PCBP3: variants seen among roughly 807,000 people sequenced by gnomAD.
The protein encoded by PCBP3 is poly(rC)-binding protein 3.
Under a neutral mutation model 52.7 loss-of-function variants are expected in PCBP3, and 25 were observed. That is an observed-to-expected ratio of 0.47 (90% CI 0.35 to 0.66). The LOEUF is 0.66. PCBP3 is among the 30% of genes least tolerant of loss of function. PCBP3 has a pLI of 0.01. For missense variants in PCBP3, 391 were observed against 490.3 expected (o/e 0.80, Z 1.91); for synonymous variants, 162 against 183.0 (o/e 0.89, Z 0.93).
At chr21:45,768,453 C>T (rs180856739) in intron 4 of PCBP3, among the ~76,000 whole-genome samples, 13 of 152,232 alleles carry the variant, frequency 8.5e-5, no homozygotes, top group Admixed American at 5.9e-4. Flanking sequence ...TGTGGGGCAC[C>T]GTCATGGTGT....
In PCBP3 at chr21:45,813,561, C is replaced by A. The variant is rs568713770; in HGVS notation, c.-125-36400C>A. ...GGTTCAAGCGATTCTCCTGCCTCAG[C>A]CTCCTGAGGAGCTGGGATTACAGGC... On this transcript the variant is annotated intron_variant, in intron 4 of 17. Transcript: ENST00000681687. 3.3e-5 allele frequency among the ~76,000 whole-genome samples: 5 copies of A among 152,312 alleles called. No individual in the cohort carries two copies. The South Asian group carries it at 8.3e-4, about 25-fold the overall frequency.
intron 5 of PCBP3, among the ~76,000 whole-genome samples, chr21:45,855,698 GTGTC>G (rs2094261262): frequency 6.6e-6 from 1 of 152,260 alleles, no homozygotes; most frequent in Non-Finnish European, 1.5e-5. Flanking sequence ...TCAGGCCCAC[GTGTC>G]TGTCTGCCTT....
At chr21:45,769,242 T>C (rs1021888302) in intron 4 of PCBP3, among the ~76,000 whole-genome samples, 15 of 152,234 alleles carry the variant, frequency 9.9e-5, no homozygotes, top group African/African-American at 3.6e-4. Context: ...CCCACAGTGC[T>C]CTCCCATGGT....
intron 3 of PCBP3, chr21:45,751,573 A>G (rs959990775): frequency 3.3e-5 from 5 of 152,302 alleles, no homozygotes; most frequent in African/African-American, 4.8e-5. Flanking sequence ...TGATGGTGGG[A>G]TGATGACGTA....
At chr21:45,834,657 G>A (rs977534180) in intron 4 of PCBP3, among the ~76,000 whole-genome samples, 7 of 152,226 alleles carry the variant, frequency 4.6e-5, no homozygotes, top group African/African-American at 1.7e-4. Context: ...GTGAGATGGC[G>A]TGCAGATGGA....
At chr21:45,911,433 C>G (rs1285951764) in intron 11 of PCBP3, 1 of 290,722 alleles carries the variant, frequency 3.4e-6, no homozygotes, top group Non-Finnish European at 6.8e-6. Context: ...CAGGAGGCTC[C>G]TCTGCGCATG....
intron 1 of PCBP3, among the ~76,000 whole-genome samples, chr21:45,647,336 G>A (rs2079382561): frequency 6.6e-6 from 1 of 152,190 alleles, no homozygotes; most frequent in Non-Finnish European, 1.5e-5. Flanking sequence ...GCTATGATCT[G>A]GGAACCCATG....
chr21:45,709,203 G>A (rs1022373342), intron 2 of PCBP3, among the ~76,000 whole-genome samples: 1 of 152,214 alleles, frequency 6.6e-6, no homozygotes, highest in African/African-American at 2.4e-5. Context: ...AAAATTGCTA[G>A]CCTGTCTTCG....
At chr21:45,865,533 C>T (rs906192770) in intron 5 of PCBP3, among the ~76,000 whole-genome samples, 2 of 152,324 alleles carry the variant, frequency 1.3e-5, no homozygotes, top group African/African-American at 4.8e-5. Flanking sequence ...CCGTGCCTCC[C>T]GCCCCATCCG....
At chr21:45,677,060 G>A (rs1282727875) in intron 2 of PCBP3, among the ~76,000 whole-genome samples, 1 of 152,062 alleles carries the variant, frequency 6.6e-6, no homozygotes, top group Non-Finnish European at 1.5e-5. Flanking sequence ...ACTGCGCCTG[G>A]CCACGTCTCC....
rs185101588 is a variant in PCBP3 at position 45,670,318 on chromosome 21, T to C, written c.-200+1366T>C. Among the ~76,000 whole-genome samples, 6 of 152,314 alleles carry C rather than the reference T, an allele frequency of 3.9e-5. No homozygotes were observed. The East Asian group carries it at 1.2e-3, about 29-fold the overall frequency. On this transcript the variant is annotated intron_variant, in intron 2 of 17. Coordinates refer to ENST00000681687, the MANE Select transcript of PCBP3 (RefSeq NM_001384156.1). ...TTAATTGGGTTGTTTGGGTTTTTGT[T>C]ATTATACAAGTGTAGTTGTTAAAAT...
chr21:45,808,468 G>C (rs930203573), intron 4 of PCBP3, among the ~76,000 whole-genome samples: 3 of 152,174 alleles, frequency 2.0e-5, no homozygotes, highest in Non-Finnish European at 4.4e-5. Context: ...TTAGAGAAAT[G>C]CATATCAAAA....
At chr21:45,760,394 T>C (rs1386463356) in intron 4 of PCBP3, 1 of 152,198 alleles carries the variant, frequency 6.6e-6, no homozygotes, top group Non-Finnish European at 1.5e-5. Flanking sequence ...TTGTCTTCTA[T>C]GGAAAGTCCG....
At chr21:45,649,455 GTATGAGA>G (rs1476171050) in intron 1 of PCBP3, among the ~76,000 whole-genome samples, 1 of 152,206 alleles carries the variant, frequency 6.6e-6, no homozygotes, top group Admixed American at 6.5e-5. Context: ...TTTGTGTGGG[GTATGAGA>G]TAGAGATCCA....
At position 45,800,163 on chromosome 21, in the gene PCBP3, TG is replaced by T. The variant is rs1271682102; in HGVS notation, c.-126+44715del. Among the ~76,000 whole-genome samples, 1 of 152,050 alleles carries T rather than the reference TG, an allele frequency of 6.6e-6. No individual in the cohort carries two copies. On this transcript the variant is annotated intron_variant, in intron 4 of 17. Transcript: ENST00000681687. The surrounding 1 kb of genome is among the most constrained non-coding windows in gnomAD (Gnocchi z 5.3). ...AGGAGCACAGAGTAATGGCTGCAGG[TG>T]GGGCCTTCCAGAGGCACAGGCTGAG...
chr21:45,875,287 C>G (rs1240439584), intron 5 of PCBP3, among the ~76,000 whole-genome samples: 1 of 152,104 alleles, frequency 6.6e-6, no homozygotes, highest in African/African-American at 2.4e-5. Context: ...GGGGCCCCTC[C>G]GTGCTGCGTG....
At chr21:45,792,262 CT>C (rs1200247355) in intron 4 of PCBP3, among the ~76,000 whole-genome samples, 1 of 152,264 alleles carries the variant, frequency 6.6e-6, no homozygotes, top group Non-Finnish European at 1.5e-5. Flanking sequence ...ACCCGCAGAG[CT>C]GCGGCAAGGG....
intron 2 of PCBP3, among the ~76,000 whole-genome samples, chr21:45,692,645 A>G (rs1360675634): frequency 6.6e-6 from 1 of 152,214 alleles, no homozygotes; most frequent in Non-Finnish European, 1.5e-5. Context: ...TATAAATTCA[A>G]TTTCTAGTTA....
intron 4 of PCBP3, among the ~76,000 whole-genome samples, chr21:45,792,437 T>A (rs2091666807): frequency 6.6e-6 from 1 of 152,176 alleles, no homozygotes. Flanking sequence ...ATCTATTGTC[T>A]GTGGAAAGAA....
Sources: allele counts gnomAD v4.1 joint callset (sites outside exome capture counted in the v4.1 genomes callset), GRCh38; gene constraint gnomAD v4.1.1; non-coding constraint Gnocchi (gnomAD v3.1); transcripts MANE v1.5; gene names NCBI Gene and HGNC (gene_info 2026-07-23, HGNC 2026-07-21).